Variants in MTFR1 observed in about 807,000 individuals in gnomAD.
MTFR1 encodes the protein mitochondrial fission regulator 1.
In MTFR1, 28 loss-of-function variants were observed where a neutral mutation model predicts 38.8. That is an observed-to-expected ratio of 0.72 (90% CI 0.53 to 0.99). MTFR1 has a LOEUF of 0.99. Ranked by LOEUF, MTFR1 falls within the 50% of genes least tolerant of loss-of-function variation. MTFR1 has a pLI of 0.00. For synonymous variants in MTFR1, 145 were observed against 137.0 expected (o/e 1.06, Z -0.41); for missense variants, 358 against 395.5 (o/e 0.91, Z 0.81).
intron 3 of MTFR1, among the ~76,000 whole-genome samples, chr8:65,758,086 T>C (rs1264706800): frequency 1.3e-5 from 2 of 152,360 alleles, no homozygotes; most frequent in Admixed American, 6.5e-5. Context: ...CTAGTCCAGA[T>C]TGCTGGTTGT....
At chr8:65,720,534 A>T (rs1806330838) in intron 3 of MTFR1, 2 of 154,174 alleles carry the variant, frequency 1.3e-5, no homozygotes, top group African/African-American at 4.8e-5. Flanking sequence ...ATATGGTCTG[A>T]TGGCTGAATT....
intron 2 of MTFR1, among the ~76,000 whole-genome samples, chr8:65,679,095 A>G (rs908989440): frequency 5.9e-5 from 9 of 152,164 alleles, no homozygotes; most frequent in African/African-American, 1.7e-4. Context: ...TGTCCTCTTC[A>G]TCTCCAGACA....
At chr8:65,694,298 C>T (rs1323818104) in intron 4 of MTFR1, among the ~76,000 whole-genome samples, 1 of 151,984 alleles carries the variant, frequency 6.6e-6, no homozygotes, top group Non-Finnish European at 1.5e-5. Context: ...TGGTCTTGAT[C>T]TCCTGACCTC....
intron 3 of MTFR1, among the ~76,000 whole-genome samples, chr8:65,762,990 A>G (rs1808583033): frequency 8.1e-6 from 1 of 123,768 alleles, no homozygotes; most frequent in African/African-American, 3.3e-5. Flanking sequence ...ATATAAAAAC[A>G]ATGTGTGTGT....
At chr8:65,747,769 C>T (rs1807748864) in intron 3 of MTFR1, 2 of 1,609,544 alleles carry the variant, frequency 1.2e-6, no homozygotes, top group African/African-American at 1.3e-5. Context: ...TTCTGATATT[C>T]CTTGCAGAGA....
chr8:65,771,818 T>C (rs1809098618), downstream of MTFR1, among the ~76,000 whole-genome samples: 1 of 138,562 alleles, frequency 7.2e-6, no homozygotes, highest in Non-Finnish European at 1.5e-5. Context: ...GAGGCTGCAG[T>C]GAGCCACGAT....
In MTFR1 at chr8:65,670,631, T is replaced by G. The variant is rs182425961; in HGVS notation, c.66+613T>G. On this transcript the variant is annotated intron_variant, in intron 2 of 7. Coordinates refer to ENST00000262146, the MANE Select transcript of MTFR1 (RefSeq NM_014637.4). ...GTTTTACATTTTGAAATTCATTTTT[T>G]TTCATGGCTATGACATAGAATTAAA... Among the ~76,000 whole-genome samples, 661 of 152,344 alleles carry G rather than the reference T, an allele frequency of 4.3e-3. 1 individual carries two copies. Among genetic ancestry groups the G allele is most frequent in the Non-Finnish European group, 7.2e-3 (488 of 68,030 alleles).
chr8:65,740,753 C>A (rs1259130758), intron 3 of MTFR1, among the ~76,000 whole-genome samples: 2 of 152,158 alleles, frequency 1.3e-5, no homozygotes, highest in Non-Finnish European at 2.9e-5. Context: ...CAGAGATATT[C>A]CTTGTTCTAT....
chr8:65,773,658 A>T (rs1809174918), downstream of MTFR1, among the ~76,000 whole-genome samples: 1 of 152,208 alleles, frequency 6.6e-6, no homozygotes, highest in South Asian at 2.1e-4. Context: ...CTTTATTACT[A>T]ACATTGATAT....
chr8:65,762,570 A>G (rs930540064), intron 3 of MTFR1, among the ~76,000 whole-genome samples: 3 of 152,220 alleles, frequency 2.0e-5, no homozygotes, highest in Non-Finnish European at 4.4e-5. Context: ...CTTCATCTGT[A>G]AAATAGGCCC....
chr8:65,723,496 CAG>C, intron 3 of MTFR1: 2 of 1,383,898 alleles, frequency 1.4e-6, no homozygotes, highest in South Asian at 2.0e-5. Flanking sequence ...TTGATAAAAA[CAG>C]TGGCATTTTT....
intron 3 of MTFR1, among the ~76,000 whole-genome samples, chr8:65,736,788 C>G (rs1274383673): frequency 9.3e-5 from 9 of 97,110 alleles, no homozygotes; most frequent in African/African-American, 1.4e-4. Context: ...ATAAATTTAT[C>G]TGTTTTTTTT....
intron 1 of MTFR1, among the ~76,000 whole-genome samples, chr8:65,664,744 A>G (rs1427667068): frequency 1.4e-5 from 2 of 146,048 alleles, no homozygotes; most frequent in Non-Finnish European, 3.0e-5. Flanking sequence ...TTACAGGCAC[A>G]CACTACCATA....
rs560080589 is a variant in MTFR1, at chr8:65,725,857, CTT to C, written c.*48+6377_*48+6378del. Among the ~76,000 whole-genome samples the C allele has an allele frequency of 1.6e-3, 237 of 152,200 alleles. 1 individual carries two copies. The highest frequency in any genetic ancestry group is 2.9e-3 in the Non-Finnish European group (195 of 67,958). ...TAATGAAGCAAACATTTTAATCTGT[CTT>C]AATTTTAAGAACCCATAATTTACAT... On this transcript the variant is annotated intron_variant, in intron 3 of 3. Coordinates refer to the MTFR1 transcript ENST00000521247.
chr8:65,652,324 C>T (rs1313472628), intron 1 of MTFR1, among the ~76,000 whole-genome samples: 2 of 152,162 alleles, frequency 1.3e-5, no homozygotes, highest in Non-Finnish European at 2.9e-5. Flanking sequence ...CTCCTGGCCT[C>T]AAGTGATCCT....
intron 3 of MTFR1, among the ~76,000 whole-genome samples, chr8:65,748,764 A>C (rs1807799555): frequency 6.6e-6 from 1 of 152,194 alleles, no homozygotes; most frequent in African/African-American, 2.4e-5. Flanking sequence ...TATGTGTATA[A>C]TGGCAATAAT....
At chr8:65,755,312 T>C (rs1808174602) in intron 3 of MTFR1, among the ~76,000 whole-genome samples, 1 of 152,178 alleles carries the variant, frequency 6.6e-6, no homozygotes, top group Non-Finnish European at 1.5e-5. Context: ...TGAGCCATCA[T>C]GCCCGGCCCA....
At chr8:65,736,937 C>T (rs1807166160) in intron 3 of MTFR1, among the ~76,000 whole-genome samples, 1 of 148,526 alleles carries the variant, frequency 6.7e-6, no homozygotes, top group Non-Finnish European at 1.5e-5. Flanking sequence ...GGCTGGAGTG[C>T]AGTAGCGTGA....
At chr8:65,770,157 G>T (rs977895081) in intron 3 of MTFR1, among the ~76,000 whole-genome samples, 3 of 134,252 alleles carry the variant, frequency 2.2e-5, no homozygotes, top group Admixed American at 8.1e-5. Context: ...GTGTGTGTGT[G>T]TGTGTGCCAC....
Sources: gnomAD v4.1 joint callset for allele counts (sites outside exome capture counted in the v4.1 genomes callset) on GRCh38, gnomAD v4.1.1 for gene constraint, MANE v1.5 for transcripts, NCBI Gene and HGNC (gene_info 2026-07-23, HGNC 2026-07-21) for gene names.